Variants in CYTH3 observed in about 807,000 individuals in gnomAD.
The protein encoded by CYTH3 is cytohesin-3.
In CYTH3, 23 loss-of-function variants were observed where a neutral mutation model predicts 55.1. The observed-to-expected ratio is 0.42, with a 90% CI of 0.30 to 0.59. CYTH3 has a LOEUF of 0.59. CYTH3 is among the 20% of genes least tolerant of loss of function. The pLI, the probability that CYTH3 is intolerant of heterozygous loss-of-function variation, is 0.20. For synonymous variants in CYTH3, 249 were observed against 194.9 expected (o/e 1.28, Z -2.31); for missense variants, 413 against 524.8 (o/e 0.79, Z 2.08).
intron 4 of CYTH3, among the ~76,000 whole-genome samples, chr7:6,180,409 G>A (rs1346738126): frequency 2.0e-5 from 3 of 152,244 alleles, no homozygotes; most frequent in Non-Finnish European, 2.9e-5. Context: ...TGTCCTATGA[G>A]ACAGAGAGGA....
chr7:6,203,377 A>C (rs1458791699), intron 1 of CYTH3, among the ~76,000 whole-genome samples: 2 of 152,322 alleles, frequency 1.3e-5, no homozygotes, highest in East Asian at 3.9e-4. Flanking sequence ...TAGAGGCAAA[A>C]CTAAACAACT....
chr7:6,271,108 C>G lies in CYTH3; in HGVS notation c.34+1366G>C, dbSNP rs190208682. The stretch of plus-strand genomic sequence containing the variant: ...CTTAGGATCTCATGGCTCCAGACAG[C>G]CTGACTGTAGGAGGGTTCGCAACTG... On this transcript the variant is annotated intron_variant, in intron 1 of 12. Transcript: ENST00000350796. 1.9e-3 allele frequency among the ~76,000 whole-genome samples: 270 copies of G among 141,866 alleles called. 2 individuals carry two copies. In the Middle Eastern group the frequency reaches 0.028, roughly 14 times the overall value. The allele number at this position is 141,866 out of a possible 152,430, so 93.1% of individuals were successfully genotyped here.
At chr7:6,198,309 T>C (rs1169568963) in intron 1 of CYTH3, among the ~76,000 whole-genome samples, 3 of 152,202 alleles carry the variant, frequency 2.0e-5, no homozygotes, top group African/African-American at 4.8e-5. Context: ...TGCTGTCCTA[T>C]TGTGTCTTTG....
At chr7:6,219,658 C>T (rs1784503592) in intron 1 of CYTH3, among the ~76,000 whole-genome samples, 1 of 152,076 alleles carries the variant, frequency 6.6e-6, no homozygotes, top group African/African-American at 2.4e-5. Flanking sequence ...TATGGAGGGC[C>T]CTCTTGTCCC....
intron 1 of CYTH3, among the ~76,000 whole-genome samples, chr7:6,263,974 C>T (rs536897762): frequency 2.6e-5 from 4 of 152,010 alleles, no homozygotes; most frequent in East Asian, 1.9e-4. Context: ...GGGCCGGGTG[C>T]GGTTGCTCAC....
At chr7:6,202,409 C>T (rs1384175011) in intron 1 of CYTH3, among the ~76,000 whole-genome samples, 5 of 152,000 alleles carry the variant, frequency 3.3e-5, no homozygotes, top group South Asian at 2.1e-4. Context: ...GCACGTGAAC[C>T]GCCAGCCAAC....
chr7:6,219,707 G>A (rs1027732971), intron 1 of CYTH3, among the ~76,000 whole-genome samples: 12 of 152,124 alleles, frequency 7.9e-5, no homozygotes, highest in Non-Finnish European at 1.3e-4. Flanking sequence ...GACCCACAAG[G>A]TTTTTGAGGA....
chr7:6,177,217 TA>T (rs1021922747), intron 5 of CYTH3, among the ~76,000 whole-genome samples: 1 of 152,210 alleles, frequency 6.6e-6, no homozygotes, highest in African/African-American at 2.4e-5. Flanking sequence ...TTCGATCAAA[TA>T]TTTTTTTTAA....
chr7:6,177,080 T>A (rs1783370461), intron 5 of CYTH3, among the ~76,000 whole-genome samples: 1 of 152,254 alleles, frequency 6.6e-6, no homozygotes, highest in Non-Finnish European at 1.5e-5. Flanking sequence ...CAATCCTTTT[T>A]ACCTATTGCT....
intron 1 of CYTH3, among the ~76,000 whole-genome samples, chr7:6,252,642 C>A (rs903320793): frequency 1.3e-5 from 2 of 152,104 alleles, no homozygotes; most frequent in Non-Finnish European, 2.9e-5. Flanking sequence ...ACAGCTGGAT[C>A]CTGTATTAGT....
At chr7:6,223,356 G>A (rs911262401) in intron 1 of CYTH3, among the ~76,000 whole-genome samples, 3 of 152,206 alleles carry the variant, frequency 2.0e-5, no homozygotes, top group Admixed American at 6.5e-5. Flanking sequence ...CATCAAGAAC[G>A]GGCCATGATG....
At chr7:6,218,303 G>GA (rs1380210802) in intron 1 of CYTH3, among the ~76,000 whole-genome samples, 2 of 152,196 alleles carry the variant, frequency 1.3e-5, no homozygotes, top group Non-Finnish European at 2.9e-5. Context: ...AAGGCAACGT[G>GA]ATGACTGAAG....
At chr7:6,180,725 A>C (rs1783484705) in intron 4 of CYTH3, among the ~76,000 whole-genome samples, 1 of 152,264 alleles carries the variant, frequency 6.6e-6, no homozygotes, top group South Asian at 2.1e-4. Context: ...AGAAATGTTT[A>C]CTATTTTAAA....
intron 1 of CYTH3, among the ~76,000 whole-genome samples, chr7:6,247,680 G>T (rs1779855942): frequency 6.6e-6 from 1 of 152,078 alleles, no homozygotes; most frequent in African/African-American, 2.4e-5. Context: ...GACAGGGTCT[G>T]TCGCCCAGGC....
intron 1 of CYTH3, among the ~76,000 whole-genome samples, chr7:6,241,996 G>GTC (rs1356288799): frequency 6.6e-6 from 1 of 152,134 alleles, no homozygotes; most frequent in African/African-American, 2.4e-5. Context: ...GGACAGAATA[G>GTC]TCTCATTCAT....
intron 1 of CYTH3, among the ~76,000 whole-genome samples, chr7:6,235,485 A>C (rs567383110): frequency 2.6e-5 from 4 of 151,916 alleles, no homozygotes; most frequent in East Asian, 1.9e-4. Flanking sequence ...AAAAAAAAAA[A>C]AAAAAACTGC....
At chr7:6,258,958 A>G (rs1471327788) in intron 1 of CYTH3, among the ~76,000 whole-genome samples, 1 of 152,184 alleles carries the variant, frequency 6.6e-6, no homozygotes, top group African/African-American at 2.4e-5. Context: ...TGAAAACAAG[A>G]TTGTTTTTAC....
intron 1 of CYTH3, among the ~76,000 whole-genome samples, chr7:6,252,489 G>A (rs1030985126): frequency 6.6e-6 from 1 of 152,116 alleles, no homozygotes; most frequent in Non-Finnish European, 1.5e-5. Context: ...CTGAAAGGGA[G>A]ACTCCGAGAC....
At chr7:6,207,354 A>C (rs1283848762) in intron 1 of CYTH3, among the ~76,000 whole-genome samples, 1 of 152,064 alleles carries the variant, frequency 6.6e-6, no homozygotes, top group Non-Finnish European at 1.5e-5. Context: ...TCAGCCTCCC[A>C]AAGTGCTGGG....
Sources: allele counts gnomAD v4.1 joint callset (sites outside exome capture counted in the v4.1 genomes callset), GRCh38; gene constraint gnomAD v4.1.1; transcripts MANE v1.5; gene names NCBI Gene and HGNC (gene_info 2026-07-23, HGNC 2026-07-21).